LOC128462377: variants seen among roughly 807,000 people sequenced by gnomAD.
the LOC128462377 span, among the ~76,000 whole-genome samples, chr16:89,407,027 A>C: frequency 6.6e-6 from 1 of 151,964 alleles, no homozygotes; most frequent in Non-Finnish European, 1.5e-5. Context: ...TCTACTAAAA[A>C]CACAAAAAAT....
At chr16:89,367,513 C>G in the LOC128462377 span, among the ~76,000 whole-genome samples, 2 of 152,236 alleles carry the variant, frequency 1.3e-5, no homozygotes, top group African/African-American at 2.4e-5. Flanking sequence ...GTCACCCACG[C>G]TCCCTCTTAG....
At chr16:89,393,692 G>C in the LOC128462377 span, among the ~76,000 whole-genome samples, 1 of 151,898 alleles carries the variant, frequency 6.6e-6, no homozygotes. Flanking sequence ...GATTTGTAAG[G>C]GTTAGAAGGG....
chr16:89,396,538 A>ATT, the LOC128462377 span, among the ~76,000 whole-genome samples: 6 of 150,328 alleles, frequency 4.0e-5, no homozygotes, highest in African/African-American at 1.5e-4. Flanking sequence ...TTCCCACTAG[A>ATT]TTTTTTTTTT....
chr16:89,408,024 C>G, the LOC128462377 span, among the ~76,000 whole-genome samples: 3 of 152,256 alleles, frequency 2.0e-5, no homozygotes, highest in East Asian at 1.9e-4. Context: ...CCAGCTACAG[C>G]TGCCATGCAG....
chr16:89,330,321 G>A, the LOC128462377 span, among the ~76,000 whole-genome samples: 1 of 152,118 alleles, frequency 6.6e-6, no homozygotes, highest in Non-Finnish European at 1.5e-5. Flanking sequence ...GGGTGGGAAG[G>A]CTCGGGAGAC....
the LOC128462377 span, among the ~76,000 whole-genome samples, chr16:89,383,809 A>G: frequency 6.6e-6 from 1 of 152,226 alleles, no homozygotes; most frequent in Non-Finnish European, 1.5e-5. Context: ...GATAGCACCC[A>G]GAGGGCAAAG....
the LOC128462377 span, among the ~76,000 whole-genome samples, chr16:89,391,854 C>G: frequency 1.0e-3 from 154 of 152,348 alleles, no homozygotes; most frequent in African/African-American, 3.6e-3. Context: ...TATCTGCTAG[C>G]CTTAATAAAG....
chr16:89,369,829 C>T, the LOC128462377 span, among the ~76,000 whole-genome samples: 2 of 152,210 alleles, frequency 1.3e-5, no homozygotes, highest in Non-Finnish European at 2.9e-5. Flanking sequence ...GTGCAAAATG[C>T]CACCACTGGG....
the LOC128462377 span, among the ~76,000 whole-genome samples, chr16:89,387,121 G>A: frequency 3.3e-5 from 5 of 152,124 alleles, no homozygotes; most frequent in African/African-American, 1.2e-4. Flanking sequence ...CAAGAGCAGC[G>A]AGGGTGGGAG....
At chr16:89,376,759 T>G in the LOC128462377 span, among the ~76,000 whole-genome samples, 1 of 152,180 alleles carries the variant, frequency 6.6e-6, no homozygotes, top group Non-Finnish European at 1.5e-5. Context: ...AGGTTTTGAA[T>G]GCAGGTGAAA....
chr16:89,333,829 T>A, the LOC128462377 span, among the ~76,000 whole-genome samples: 1 of 152,168 alleles, frequency 6.6e-6, no homozygotes, highest in South Asian at 2.1e-4. Flanking sequence ...TAGGGGGCAC[T>A]GCACACCATC....
chr16:89,414,726 G>A, the LOC128462377 span, among the ~76,000 whole-genome samples: 524 of 152,206 alleles, frequency 3.4e-3, 10 homozygotes, highest in Admixed American at 0.027. Flanking sequence ...ATGTCACTGC[G>A]GCCACACCTG....
chr16:89,349,682 C>T, the LOC128462377 span, among the ~76,000 whole-genome samples: 1 of 152,072 alleles, frequency 6.6e-6, no homozygotes, highest in Non-Finnish European at 1.5e-5. Flanking sequence ...TGACTGAAAA[C>T]TATGTATCTT....
the LOC128462377 span, among the ~76,000 whole-genome samples, chr16:89,362,922 C>T: frequency 6.6e-6 from 1 of 151,948 alleles, no homozygotes; most frequent in Admixed American, 6.6e-5. Context: ...TGTGAGGTCC[C>T]GTTCCAGCCA....
the LOC128462377 span, among the ~76,000 whole-genome samples, chr16:89,374,380 T>TA: frequency 1.3e-5 from 2 of 151,920 alleles, no homozygotes; most frequent in African/African-American, 2.4e-5. Flanking sequence ...CCTGTTTACA[T>TA]AAAATCTATG....
chr16:89,390,031 G>A, the LOC128462377 span, among the ~76,000 whole-genome samples: 1 of 88,212 alleles, frequency 1.1e-5, no homozygotes. Context: ...CGAGTGTGAC[G>A]GGGAGCACCG....
the LOC128462377 span, among the ~76,000 whole-genome samples, chr16:89,354,320 T>C: frequency 6.6e-6 from 1 of 152,038 alleles, no homozygotes; most frequent in African/African-American, 2.4e-5. Context: ...TCCTTTTCCT[T>C]CTCACTGTCA....
At chr16:89,325,949 C>T in the LOC128462377 span, among the ~76,000 whole-genome samples, 9 of 152,304 alleles carry the variant, frequency 5.9e-5, no homozygotes, top group East Asian at 3.9e-4. Context: ...CCCAGCATGT[C>T]GGGCAGGCCT....
the LOC128462377 span, chr16:89,320,457 G>C: frequency 6.6e-6 from 1 of 152,278 alleles, no homozygotes; most frequent in Non-Finnish European, 1.5e-5. Context: ...GCCCTGTGCT[G>C]AGCGGCAAGG....
Sources: allele counts gnomAD v4.1 joint callset (sites outside exome capture counted in the v4.1 genomes callset), GRCh38; gene constraint gnomAD v4.1.1; transcripts MANE v1.5.